The following UTRN variants were observed in gnomAD, a reference collection of about 807,000 sequenced individuals.
UTRN encodes dystrophin-related protein 1.
UTRN carries 283 observed loss-of-function variants against 463.9 expected under a neutral mutation model. The ratio of observed to expected loss-of-function variants is 0.61; its 90% confidence interval spans 0.55 to 0.67. The LOEUF is 0.67. Ranked by LOEUF, UTRN falls within the 30% of genes least tolerant of loss-of-function variation. The pLI is 0.00. For synonymous variants in UTRN, 1,442 were observed against 1,431.5 expected, an observed-to-expected ratio of 1.01 and a Z score of -0.17; for missense variants, 3,922 against 4,084.3, an observed-to-expected ratio of 0.96 and a Z score of 1.08.
chr6:144,666,470 C>T (rs1481106854), intron 51 of UTRN, among the ~76,000 whole-genome samples: 1 of 152,176 alleles, frequency 6.6e-6, no homozygotes, highest in East Asian at 1.9e-4. Flanking sequence ...ACCTATTAAT[C>T]CACTCATACA....
chr6:144,790,817 G>A (rs893117170), intron 62 of UTRN, among the ~76,000 whole-genome samples: 3 of 152,168 alleles, frequency 2.0e-5, no homozygotes, highest in African/African-American at 7.2e-5. Context: ...CTGATTTGGG[G>A]TTTCTTGTGC....
chr6:144,349,883 C>T (rs1469552605), intron 2 of UTRN, among the ~76,000 whole-genome samples: 1 of 152,154 alleles, frequency 6.6e-6, no homozygotes, highest in Non-Finnish European at 1.5e-5. Flanking sequence ...CTGGACACAG[C>T]GACTCCCTCG....
At chr6:144,814,648 G>C (rs957647787) in intron 65 of UTRN, among the ~76,000 whole-genome samples, 2 of 152,108 alleles carry the variant, frequency 1.3e-5, no homozygotes, top group Non-Finnish European at 2.9e-5. Context: ...TACAAATAAA[G>C]CATGCCAGTG....
At chr6:144,536,619 T>C (rs908634217) in intron 43 of UTRN, among the ~76,000 whole-genome samples, 2 of 152,098 alleles carry the variant, frequency 1.3e-5, no homozygotes, top group African/African-American at 2.4e-5. Flanking sequence ...GTGAGAACTT[T>C]TGTGATTAAA....
chr6:144,484,231 G>T (rs1792187075), intron 27 of UTRN, among the ~76,000 whole-genome samples: 1 of 152,124 alleles, frequency 6.6e-6, no homozygotes. Context: ...TATAACTCCA[G>T]TTTTGGTAAA....
At chr6:144,764,101 A>G (rs1172747796) in intron 58 of UTRN, among the ~76,000 whole-genome samples, 3 of 152,200 alleles carry the variant, frequency 2.0e-5, no homozygotes, top group Non-Finnish European at 4.4e-5. Context: ...GAAAATAAAT[A>G]TTTAAAACTC....
chr6:144,590,033 A>ATT (rs992394193), intron 51 of UTRN, among the ~76,000 whole-genome samples: 23 of 150,746 alleles, frequency 1.5e-4, no homozygotes, highest in African/African-American at 5.6e-4. Context: ...ATTTTTTTGT[A>ATT]TTTTTTTTGT....
At chr6:144,440,685 A>T (rs930314634) in intron 13 of UTRN, among the ~76,000 whole-genome samples, 1 of 152,172 alleles carries the variant, frequency 6.6e-6, no homozygotes. Flanking sequence ...GGGTGAATGG[A>T]TGGGGCTGGT....
Position 144,307,817 on chromosome 6 carries a change from G to GT in UTRN, c.79+15924dup, listed in dbSNP as rs57723474. 0.012 allele frequency among the ~76,000 whole-genome samples: 1,762 copies of GT among 143,090 alleles called. 107 individuals carry two copies. The East Asian group carries it at 0.2, about 16-fold the overall frequency. The allele number at this position is 143,090 out of a possible 152,430, so 93.9% of individuals were successfully genotyped here. On this transcript the variant is annotated intron_variant, in intron 2 of 74. Coordinates refer to ENST00000367545, the MANE Select transcript of UTRN (RefSeq NM_007124.3). ...GATTACTAATTAACAGTCTGCCTCA[G>GT]TTTTTTTTTTTTTTAATTAATGAAA...
intron 51 of UTRN, among the ~76,000 whole-genome samples, chr6:144,600,637 A>AAACCATC (rs1234774771): frequency 5.3e-5 from 8 of 152,252 alleles, no homozygotes; most frequent in Non-Finnish European, 1.2e-4. Context: ...TTAAGAACAG[A>AAACCATC]AACCATCTTC....
chr6:144,728,854 T>C (rs918834868), intron 53 of UTRN, among the ~76,000 whole-genome samples: 3 of 152,176 alleles, frequency 2.0e-5, no homozygotes, highest in African/African-American at 7.2e-5. Flanking sequence ...TTTACAATGC[T>C]TACACACAAA....
Position 144,488,851 on chromosome 6 carries a change from G to A in UTRN, c.4134+17G>A, listed in dbSNP as rs1248869296. On this transcript the variant is annotated intron_variant, in intron 30 of 74. Coordinates refer to ENST00000367545, the MANE Select transcript of UTRN (RefSeq NM_007124.3). ...GAAGCTCAGGTATTGCCGTGCATTT[G>A]AGGGCTTTTGAGCTGTAAAGAGAGC... 6.4e-7 allele frequency: 1 copy of A among 1,574,120 alleles called. No individual in the cohort carries two copies. Among genetic ancestry groups the A allele is most frequent in the East Asian group, 2.3e-5 (1 of 43,486 alleles).
intron 73 of UTRN, among the ~76,000 whole-genome samples, chr6:144,843,428 A>G (rs1781761382): frequency 6.6e-6 from 1 of 152,242 alleles, no homozygotes; most frequent in African/African-American, 2.4e-5. Context: ...AGCTGGACCC[A>G]TGTCATTTTA....
chr6:144,728,736 C>A (rs1363311423), intron 53 of UTRN, among the ~76,000 whole-genome samples: 1 of 152,136 alleles, frequency 6.6e-6, no homozygotes, highest in Non-Finnish European at 1.5e-5. Flanking sequence ...ATCCTATATC[C>A]TGTGTTACAT....
intron 58 of UTRN, 61 bp from the exon 59 acceptor site, chr6:144,771,846 T>G: frequency 1.5e-6 from 2 of 1,375,180 alleles, no homozygotes; most frequent in South Asian, 1.3e-5. Flanking sequence ...ATTTCGTTTT[T>G]GGCCTATATG....
rs1803696527 is a variant in UTRN, at chr6:144,286,740, T to C, written c.-93+919T>C. Reference sequence around the variant, plus strand: ...TGAAAGGGACTCATTCCAGTGCGTTTTTCGAGGAGGAGGGAGAAAACGTTG... The same window carrying C: ...TGAAAGGGACTCATTCCAGTGCGTTCTTCGAGGAGGAGGGAGAAAACGTTG... On this transcript the variant is annotated intron_variant, in intron 1 of 74. Coordinates refer to ENST00000367545, the MANE Select transcript of UTRN (RefSeq NM_007124.3). This position sits in a 1 kb window ranked among gnomAD's most constrained non-coding sequence, Gnocchi z 4.4. 6.6e-6 allele frequency among the ~76,000 whole-genome samples: 1 copy of C among 151,846 alleles called. No homozygotes were observed. Among genetic ancestry groups the C allele is most frequent in the Non-Finnish European group, 1.5e-5 (1 of 67,944 alleles).
intron 50 of UTRN, among the ~76,000 whole-genome samples, chr6:144,565,610 G>T (rs1239487693): frequency 1.3e-5 from 2 of 152,078 alleles, no homozygotes; most frequent in African/African-American, 4.8e-5. Context: ...AGAGGGAGGA[G>T]AATATCTCTT....
chr6:144,294,895 A>G (rs1481844818), intron 2 of UTRN, among the ~76,000 whole-genome samples: 1 of 152,208 alleles, frequency 6.6e-6, no homozygotes, highest in Non-Finnish European at 1.5e-5. Flanking sequence ...ATACAAAGCC[A>G]TGTATTTATT....
In UTRN at chr6:144,819,911, C is replaced by CT. The variant is rs1554406066; in HGVS notation, c.9358-971_9358-970insT. 4.5e-3 allele frequency among the ~76,000 whole-genome samples: 536 copies of CT among 118,610 alleles called. 4 individuals are homozygous for CT. Among genetic ancestry groups the CT allele is most frequent in the Middle Eastern group, 0.043 (10 of 230 alleles). 77.8% of individuals were successfully genotyped at this position (118,610 alleles called of 152,430 possible). On this transcript the variant is annotated intron_variant, in intron 65 of 74. Coordinates refer to ENST00000367545, the MANE Select transcript of UTRN (RefSeq NM_007124.3). ...TCCTCCTCCTCCTCCTCCTCCTCCT[C>CT]CTCTCTCTCTCTCTCTCTCTCTTTC...
Sources: gnomAD v4.1 joint callset for allele counts (sites outside exome capture counted in the v4.1 genomes callset) on GRCh38, gnomAD v4.1.1 for gene constraint, Gnocchi (gnomAD v3.1) non-coding constraint, MANE v1.5 for transcripts, NCBI Gene and HGNC (gene_info 2026-07-23, HGNC 2026-07-21) for gene names.